STAM: variants seen among roughly 807,000 people sequenced by gnomAD.
STAM encodes the protein signal transducing adapter molecule 1.
STAM carries 16 observed loss-of-function variants against 63.4 expected under a neutral mutation model. The ratio of observed to expected loss-of-function variants is 0.25; its 90% confidence interval spans 0.17 to 0.38. The LOEUF is 0.38. Ranked by LOEUF, STAM falls within the 10% of genes least tolerant of loss-of-function variation. STAM has a pLI of 1.00. For synonymous variants in STAM, 238 were observed against 223.9 expected (o/e 1.06, Z -0.56); for missense variants, 636 against 657.1 (o/e 0.97, Z 0.35).
At chr10:17,675,557 T>C (rs1202321668) in intron 2 of STAM, among the ~76,000 whole-genome samples, 6 of 151,874 alleles carry the variant, frequency 4.0e-5, no homozygotes, top group African/African-American at 1.4e-4. Flanking sequence ...TTAAACATGA[T>C]ATTGTAGTTT....
Position 17,714,664 on chromosome 10 carries a change from C to G in STAM, c.1507C>G (p.Pro503Ala). 1 of 1,614,124 alleles carries G rather than the reference C, an allele frequency of 6.2e-7. No individual in the cohort carries two copies. Among genetic ancestry groups the G allele is most frequent in the South Asian group, 1.1e-5 (1 of 91,072 alleles). ...TGTCACTCTGTACCAGAATGCAGGA[C>G]CTAATATGCCCCAGGTGCCAAACTA... ...ADVTLYQNAG[P>A]NMPQVPNYNL... The change falls in exon 14 of 14, where the codon CCT (proline) becomes GCT (alanine). Residue 503 changes from proline to alanine, a missense_variant. Around this residue, in one of 3 missense-constraint regions of STAM, gnomAD observed 532 missense variants for 536.9 expected, o/e 0.99. Coordinates refer to ENST00000377524, the MANE Select transcript of STAM (RefSeq NM_003473.4).
intron 1 of STAM, among the ~76,000 whole-genome samples, chr10:17,654,709 T>C (rs527678586): frequency 1.3e-5 from 2 of 152,314 alleles, no homozygotes; most frequent in Admixed American, 1.3e-4. Context: ...TGAGCAATGA[T>C]AGGTAAATTT....
chr10:17,667,437 T>G (rs1456985311), intron 2 of STAM, among the ~76,000 whole-genome samples: 2 of 152,220 alleles, frequency 1.3e-5, no homozygotes, highest in East Asian at 3.8e-4. Flanking sequence ...AATTTTTTTT[T>G]TAAAACGTGA....
At chr10:17,647,476 C>G (rs1197388188) in intron 1 of STAM, among the ~76,000 whole-genome samples, 1 of 152,072 alleles carries the variant, frequency 6.6e-6, no homozygotes, top group African/African-American at 2.4e-5. Flanking sequence ...CCCTGCGGCT[C>G]AGTTCCGGAG....
intron 2 of STAM, among the ~76,000 whole-genome samples, chr10:17,677,721 A>G (rs563818158): frequency 2.0e-5 from 3 of 152,356 alleles, no homozygotes; most frequent in East Asian, 1.9e-4. Context: ...CATAATAGAC[A>G]TTCAGTCAAT....
At chr10:17,654,649 C>G (rs1398213512) in intron 1 of STAM, among the ~76,000 whole-genome samples, 1 of 152,142 alleles carries the variant, frequency 6.6e-6, no homozygotes, top group Non-Finnish European at 1.5e-5. Flanking sequence ...AATAATTCCC[C>G]AAAGTAAACC....
intron 1 of STAM, among the ~76,000 whole-genome samples, chr10:17,655,767 C>G (rs187601803): frequency 8.3e-4 from 127 of 152,176 alleles, no homozygotes; most frequent in African/African-American, 2.8e-3. Context: ...CCACTGTCCC[C>G]CCAACCCATC....
chr10:17,684,801 G>A (rs1835228145), intron 3 of STAM, 31 bp from the exon 4 acceptor site: 3 of 1,613,262 alleles, frequency 1.9e-6, no homozygotes, highest in African/African-American at 1.3e-5. Context: ...CCACAATTGA[G>A]CCCCTTTAAC....
In STAM at chr10:17,692,403, G is replaced by A. The variant is rs115176677; in HGVS notation, c.445-819G>A. Among the ~76,000 whole-genome samples the A allele has an allele frequency of 5.4e-3, 817 of 152,320 alleles. 5 individuals are homozygous for A. The highest frequency in any genetic ancestry group is 0.019 in the African/African-American group (773 of 41,558). On this transcript the variant is annotated intron_variant, in intron 5 of 13. Transcript: ENST00000377524. ...AAGTGAACGGAGCAAAGGAGCCATA[G>A]GGGGAGAACGTTGTAAGTAGAAGTA...
At chr10:17,711,360 T>C (rs1201839940) in intron 13 of STAM, among the ~76,000 whole-genome samples, 2 of 152,186 alleles carry the variant, frequency 1.3e-5, no homozygotes, top group African/African-American at 4.8e-5. Flanking sequence ...CACTGAAGCT[T>C]ATGTATTTAT....
intron 1 of STAM, among the ~76,000 whole-genome samples, chr10:17,645,634 C>T (rs555886731): frequency 1.2e-3 from 183 of 152,066 alleles, no homozygotes; most frequent in African/African-American, 4.2e-3. Context: ...CTTTTTTGTT[C>T]CACCTTAAAT....
Position 17,687,320 on chromosome 10 carries a change from CA to C in STAM, c.298-702del, listed in dbSNP as rs531063972. On this transcript the variant is annotated intron_variant, in intron 4 of 13. Coordinates refer to ENST00000377524, the MANE Select transcript of STAM (RefSeq NM_003473.4). ...TAAAACCCCGCGTCTGCTAAAAGTA[CA>C]AAAATTAGCTGGGCATGGTGGTGCG... Among the ~76,000 whole-genome samples the C allele has an allele frequency of 3.9e-5, 6 of 152,086 alleles. No individual in the cohort carries two copies. The South Asian group carries it at 1.0e-3, about 26-fold the overall frequency.
chr10:17,669,640 T>TGCTGTTTCA (rs1232615681), intron 2 of STAM, among the ~76,000 whole-genome samples: 1 of 151,962 alleles, frequency 6.6e-6, no homozygotes, highest in African/African-American at 2.4e-5. Flanking sequence ...TCCTTTTTGC[T>TGCTGTTTCA]GCTGTTTCAG....
In STAM at chr10:17,708,937, G is replaced by T; in HGVS notation, c.1371G>T (p.Gln457His). Residue 457 changes from glutamine to histidine, a missense_variant, in exon 13 of 14, where the codon CAG becomes CAT. This residue lies in a region of STAM where 532 missense variants were observed against 536.9 expected (regional missense o/e 0.99). Coordinates refer to ENST00000377524, the MANE Select transcript of STAM (RefSeq NM_003473.4). ...CAGCCCTTCCTAGTCAGCAGACTCAGGCCGCTTACCCAAAGTAATTTTACT... is the reference window on the plus strand; with the variant it reads ...CAGCCCTTCCTAGTCAGCAGACTCATGCCGCTTACCCAAAGTAATTTTACT... Reference protein sequence around the residue: ...ANPALPSQQTQAAYPNTMVSS... With the variant: ...ANPALPSQQTHAAYPNTMVSS... 1 of 1,613,742 alleles carries T rather than the reference G, an allele frequency of 6.2e-7. No individual in the cohort carries two copies. The highest frequency in any genetic ancestry group is 8.5e-7 in the Non-Finnish European group (1 of 1,179,760).
In STAM at chr10:17,714,857, A is replaced by T. The variant is rs1554830658; in HGVS notation, c.*77A>T. The T allele has an allele frequency of 1.1e-5, 15 of 1,340,332 alleles. No homozygotes were observed. The highest frequency in any genetic ancestry group is 1.2e-5 in the Non-Finnish European group (11 of 934,830). The allele number at this position is 1,340,332 out of a possible 1,614,324, so 83.0% of individuals were successfully genotyped here. A position where few individuals can be genotyped will look rare whatever the true frequency, so the allele number is the denominator to read the frequency against. On this transcript the variant is annotated 3_prime_UTR_variant, in exon 14 of 14. Coordinates refer to ENST00000377524, the MANE Select transcript of STAM (RefSeq NM_003473.4). The stretch of plus-strand genomic sequence containing the variant: ...TTATGAGATTCATTACTATCTTAAG[A>T]TGTGTTTATCCTCAGCTTATAGGAA...
At chr10:17,678,417 T>G (rs1834943338) in intron 2 of STAM, among the ~76,000 whole-genome samples, 1 of 152,050 alleles carries the variant, frequency 6.6e-6, no homozygotes, top group South Asian at 2.1e-4. Flanking sequence ...TGTGCCTGGC[T>G]AAGTTTTTGT....
At chr10:17,694,927 T>G in intron 6 of STAM, 122 bp from the exon 7 acceptor site, 1 of 806,030 alleles carries the variant, frequency 1.2e-6, no homozygotes, top group East Asian at 2.7e-5. Context: ...TATCAGGATA[T>G]GTTCTAGTTT....
chr10:17,705,832 C>A, intron 12 of STAM, 91 bp downstream of exon 12: 2 of 1,287,642 alleles, frequency 1.6e-6, no homozygotes, highest in South Asian at 3.1e-5. Context: ...ATTTGGGAGG[C>A]CAAGGCAAGA....
intron 11 of STAM, 23 bp downstream of exon 11, chr10:17,705,047 A>G: frequency 6.2e-7 from 1 of 1,606,726 alleles, no homozygotes; most frequent in Non-Finnish European, 8.5e-7. Flanking sequence ...GGGTGCATTT[A>G]TGTTGTGTAC....
Sources: gnomAD v4.1 joint callset for allele counts (sites outside exome capture counted in the v4.1 genomes callset) on GRCh38, gnomAD v4.1.1 for gene constraint, gnomAD v4.1.1 regional missense constraint, MANE v1.5 for transcripts, NCBI Gene and HGNC (gene_info 2026-07-23, HGNC 2026-07-21) for gene names.